The following DCAF8L2 variants were observed in gnomAD, a reference collection of about 807,000 sequenced individuals.
DCAF8L2 encodes the protein DDB1- and CUL4-associated factor 8-like protein 2.
For synonymous variants in DCAF8L2, 200 were observed against 190.9 expected (o/e 1.05, Z -0.39); for missense variants, 430 against 490.7 (o/e 0.88, Z 1.17).
chrX:27,587,985 A>AAAAAAAAAAAAAATATATATAT, upstream of DCAF8L2, among the ~76,000 whole-genome samples: 4 of 22,364 alleles, frequency 1.8e-4, no homozygotes, highest in African/African-American at 3.9e-4. Context: ...TAAAAAAAAA[A>AAAAAAAAAAAAAATATATATAT]ATATATATAT....
intron 1 of DCAF8L2, among the ~76,000 whole-genome samples, chrX:27,618,998 A>G (rs1927608493): frequency 1.3e-5 from 1 of 79,561 alleles, no homozygotes; most frequent in South Asian, 5.8e-4. Flanking sequence ...ATCTATATCT[A>G]TATCTAATCT....
At chrX:27,743,836 G>A (rs1039573374) in intron 4 of DCAF8L2, among the ~76,000 whole-genome samples, 4 of 108,319 alleles carry the variant, frequency 3.7e-5, no homozygotes, top group African/African-American at 6.7e-5. Context: ...GGGCTCAAGC[G>A]ATCTTCCCAC....
intron 1 of DCAF8L2, among the ~76,000 whole-genome samples, chrX:27,593,665 G>A (rs1013550308): frequency 8.9e-6 from 1 of 111,827 alleles, no homozygotes; most frequent in African/African-American, 3.3e-5. Context: ...CCAGGCCTAT[G>A]TAGAGAAGGA....
At chrX:27,487,061 T>C in the DCAF8L2 span, among the ~76,000 whole-genome samples, 1 of 111,079 alleles carries the variant, frequency 9.0e-6, no homozygotes, top group Non-Finnish European at 1.9e-5. Flanking sequence ...ATTATTGCTA[T>C]CAAAACAATA....
rs1168146860 is a variant in DCAF8L2 at position 27,748,579 on chromosome X, T to A, written c.1684T>A (p.Trp562Arg). The A allele has an allele frequency of 3.3e-6, 4 of 1,207,115 alleles. No homozygotes were observed. In the Admixed American group the frequency reaches 8.8e-5, roughly 26 times the overall value. The change falls in exon 5 of 5, where the codon TGG (tryptophan) becomes AGG (arginine). Residue 562 changes from tryptophan (W) to arginine (R), a missense_variant. Physicochemically the swap from Trp to Arg is moderately radical, Grantham distance 101. Transcript: ENST00000451261. ...GLKKVIKKNK[W>R]ERDEDSLHHG... ...AAAGAAGGTGATTAAGAAGAACAAGTGGGAACGAGATGAAGACAGCTTGCA... is the reference window on the plus strand; with the variant it reads ...AAAGAAGGTGATTAAGAAGAACAAGAGGGAACGAGATGAAGACAGCTTGCA...
intron 3 of DCAF8L2, among the ~76,000 whole-genome samples, chrX:27,709,284 C>G (rs1357631930): frequency 8.9e-6 from 1 of 112,703 alleles, no homozygotes; most frequent in African/African-American, 3.2e-5. Flanking sequence ...GTTCTCTTCA[C>G]TGGACCTTAA....
At chrX:27,502,338 ATATATATAT>A in the DCAF8L2 span, among the ~76,000 whole-genome samples, 122 of 27,540 alleles carry the variant, frequency 4.4e-3, 3 homozygotes, top group African/African-American at 0.022. Flanking sequence ...AAAAAAAAAT[ATATATATAT>A]ATATATATAT....
intron 2 of DCAF8L2, among the ~76,000 whole-genome samples, chrX:27,669,474 T>G (rs1336678563): frequency 2.7e-5 from 3 of 109,887 alleles, no homozygotes; most frequent in Non-Finnish European, 5.7e-5. Flanking sequence ...ATTTATTTAT[T>G]TATTTTTTAT....
chrX:27,730,198 G>A (rs1921104336), intron 4 of DCAF8L2, among the ~76,000 whole-genome samples: 1 of 111,808 alleles, frequency 8.9e-6, no homozygotes, highest in Non-Finnish European at 1.9e-5. Flanking sequence ...GGTGAGAGGA[G>A]AAAAGATATT....
the DCAF8L2 span, among the ~76,000 whole-genome samples, chrX:27,492,051 G>T: frequency 1.5e-4 from 17 of 112,119 alleles, no homozygotes; most frequent in Non-Finnish European, 2.8e-4. Context: ...GAAACCTTGG[G>T]CCTGTTTCCA....
chrX:27,498,254 C>T, the DCAF8L2 span, among the ~76,000 whole-genome samples: 1 of 112,022 alleles, frequency 8.9e-6, no homozygotes. Context: ...AGCACCAGAA[C>T]GTTTTCCATA....
chrX:27,721,453 C>T (rs1003888768), intron 4 of DCAF8L2, among the ~76,000 whole-genome samples: 6 of 111,267 alleles, frequency 5.4e-5, no homozygotes, highest in Admixed American at 4.8e-4. Flanking sequence ...AAATACTAAA[C>T]GTATTTAAAT....
At chrX:27,665,551 G>T (rs1312663249) in intron 2 of DCAF8L2, among the ~76,000 whole-genome samples, 1 of 111,785 alleles carries the variant, frequency 8.9e-6, no homozygotes, top group Non-Finnish European at 1.9e-5. Flanking sequence ...GAGAGTATTG[G>T]CTCCAATTTT....
chrX:27,733,119 A>G (rs1205739846), intron 4 of DCAF8L2, among the ~76,000 whole-genome samples: 1 of 110,707 alleles, frequency 9.0e-6, no homozygotes, highest in Non-Finnish European at 1.9e-5. Context: ...GGCCTCCCAA[A>G]GTGCTGGGAT....
chrX:27,594,176 T>A (rs898143772), intron 1 of DCAF8L2, among the ~76,000 whole-genome samples: 80 of 111,755 alleles, frequency 7.2e-4, no homozygotes, highest in African/African-American at 2.4e-3. Flanking sequence ...TAAGTACACA[T>A]CTATAACTTT....
the DCAF8L2 span, among the ~76,000 whole-genome samples, chrX:27,520,001 G>T: frequency 9.0e-6 from 1 of 111,258 alleles, no homozygotes; most frequent in Non-Finnish European, 1.9e-5. Context: ...GTAAAATTTG[G>T]TTTTTAAAAA....
the DCAF8L2 span, among the ~76,000 whole-genome samples, chrX:27,477,164 G>T: frequency 8.9e-6 from 1 of 112,517 alleles, no homozygotes; most frequent in East Asian, 2.8e-4. Context: ...TCATTAAGTA[G>T]AATTAAAATA....
chrX:27,672,304 G>A (rs985531428), intron 2 of DCAF8L2, among the ~76,000 whole-genome samples: 1 of 111,618 alleles, frequency 9.0e-6, no homozygotes, highest in African/African-American at 3.3e-5. Flanking sequence ...GGCCATTTGG[G>A]TAATCGTTTT....
chrX:27,704,173 T>TACACACACACACAC (rs752781522), intron 3 of DCAF8L2, among the ~76,000 whole-genome samples: 2 of 44,286 alleles, frequency 4.5e-5, no homozygotes, highest in African/African-American at 3.0e-4. Context: ...TATATATATA[T>TACACACACACACAC]ACATATACAC....
Sources: allele counts gnomAD v4.1 joint callset (sites outside exome capture counted in the v4.1 genomes callset), GRCh38; gene constraint gnomAD v4.1.1; transcripts MANE v1.5; gene names NCBI Gene and HGNC (gene_info 2026-07-23, HGNC 2026-07-21).